The following STK3 variants were observed in gnomAD, a reference collection of about 807,000 sequenced individuals.
STK3 encodes serine/threonine-protein kinase 3.
STK3 carries 41 observed loss-of-function variants against 58.0 expected under a neutral mutation model. The ratio of observed to expected loss-of-function variants is 0.71; its 90% confidence interval spans 0.55 to 0.92. The LOEUF is 0.92. STK3 is among the 40% of genes least tolerant of loss of function. STK3 has a pLI of 0.00. For synonymous variants in STK3, 170 were observed against 191.0 expected (o/e 0.89, Z 0.91); for missense variants, 479 against 602.7 (o/e 0.79, Z 2.15).
intron 3 of STK3, among the ~76,000 whole-genome samples, chr8:98,759,958 AT>A (rs1830517323): frequency 6.6e-6 from 1 of 152,108 alleles, no homozygotes; most frequent in African/African-American, 2.4e-5. Context: ...TCATGTCTAG[AT>A]TACTTATTAC....
intron 8 of STK3, among the ~76,000 whole-genome samples, chr8:98,578,681 G>C (rs1483925046): frequency 2.0e-5 from 3 of 152,118 alleles, no homozygotes; most frequent in African/African-American, 7.2e-5. Context: ...ACTTTTATGG[G>C]AGAACATACT....
At chr8:98,668,469 T>C (rs541579633) in intron 6 of STK3, among the ~76,000 whole-genome samples, 39 of 152,212 alleles carry the variant, frequency 2.6e-4, no homozygotes, top group Admixed American at 1.8e-3. Flanking sequence ...ACCAGTTGGA[T>C]TATTTCCAAT....
chr8:98,360,086 T>C, the STK3 span, among the ~76,000 whole-genome samples: 1 of 152,260 alleles, frequency 6.6e-6, no homozygotes, highest in African/African-American at 2.4e-5. Flanking sequence ...TGGTCTCTTC[T>C]GTCCCCTCTT....
chr8:98,707,392 G>A (rs1826039369), intron 4 of STK3, 81 bp from the exon 5 acceptor site: 1 of 1,062,598 alleles, frequency 9.4e-7, no homozygotes. Flanking sequence ...TAACAAGTAT[G>A]TCTTTCCGTG....
At chr8:98,806,343 G>A (rs988034981) in intron 1 of STK3, among the ~76,000 whole-genome samples, 2 of 152,082 alleles carry the variant, frequency 1.3e-5, no homozygotes, top group African/African-American at 2.4e-5. Context: ...GGCTAACCAT[G>A]ACCTGCTTCA....
chr8:98,736,273 T>G (rs1440007093), intron 4 of STK3, among the ~76,000 whole-genome samples: 1 of 152,136 alleles, frequency 6.6e-6, no homozygotes, highest in Non-Finnish European at 1.5e-5. Flanking sequence ...AGCTGGGCCT[T>G]CATGGATGCA....
intron 1 of STK3, among the ~76,000 whole-genome samples, chr8:98,902,978 T>C (rs921671021): frequency 6.6e-6 from 1 of 152,202 alleles, no homozygotes; most frequent in African/African-American, 2.4e-5. Flanking sequence ...CAATCACCAC[T>C]GTCCTGCCTT....
chr8:98,500,513 G>T (rs936823534), intron 10 of STK3, among the ~76,000 whole-genome samples: 6 of 151,640 alleles, frequency 4.0e-5, no homozygotes, highest in Non-Finnish European at 8.8e-5. Context: ...CTCTACCCCT[G>T]CCCCCTACCC....
At chr8:98,627,331 T>C (rs1818795628) in intron 6 of STK3, among the ~76,000 whole-genome samples, 1 of 151,912 alleles carries the variant, frequency 6.6e-6, no homozygotes, top group Non-Finnish European at 1.5e-5. Flanking sequence ...CTGGCCAACA[T>C]GGTGAAACCC....
chr8:98,548,176 C>T lies in STK3; in HGVS notation c.949-15G>A. The T allele has an allele frequency of 6.7e-7, 1 of 1,494,546 alleles. No homozygotes were observed. The allele number at this position is 1,494,546 out of a possible 1,614,324, so 92.6% of individuals were successfully genotyped here. On this transcript the variant is annotated splice_polypyrimidine_tract_variant and intron_variant, in intron 8 of 10. Transcript: ENST00000419617. The stretch of plus-strand genomic sequence containing the variant: ...TCATCTTCATCCTGCAAGCAAAATA[C>T]TGCAATGAGGGAAGACTTTTCTATG...
intron 3 of STK3, among the ~76,000 whole-genome samples, chr8:98,420,238 C>T (rs1818156546): frequency 6.6e-6 from 1 of 152,158 alleles, no homozygotes; most frequent in South Asian, 2.1e-4. Flanking sequence ...CTGGCGAATC[C>T]ATGCTACAGG....
upstream of STK3, among the ~76,000 whole-genome samples, chr8:98,392,969 T>C (rs1362851042): frequency 6.6e-6 from 1 of 152,202 alleles, no homozygotes; most frequent in African/African-American, 2.4e-5. Flanking sequence ...TGGGCCTCTC[T>C]TCTTCCCTCC....
chr8:98,468,005 A>G (rs1030231111), intron 10 of STK3, among the ~76,000 whole-genome samples: 13 of 152,226 alleles, frequency 8.5e-5, no homozygotes, highest in African/African-American at 3.1e-4. Flanking sequence ...GAGGTTAGCT[A>G]AAACCCACAA....
intron 4 of STK3, among the ~76,000 whole-genome samples, chr8:98,748,465 C>T (rs1829775811): frequency 1.3e-5 from 2 of 151,972 alleles, no homozygotes; most frequent in Non-Finnish European, 2.9e-5. Flanking sequence ...AGTGTACTTC[C>T]CAAATCAAAC....
At chr8:98,358,979 A>G in the STK3 span, among the ~76,000 whole-genome samples, 1 of 152,140 alleles carries the variant, frequency 6.6e-6, no homozygotes, top group Non-Finnish European at 1.5e-5. Flanking sequence ...GTCCAGAGAC[A>G]AACATCTCCC....
At chr8:98,776,285 G>A (rs1235280312) in intron 1 of STK3, among the ~76,000 whole-genome samples, 6 of 152,028 alleles carry the variant, frequency 3.9e-5, no homozygotes, top group African/African-American at 7.3e-5. Context: ...TGGGTCACTA[G>A]GGACATCTTT....
At chr8:98,699,812 G>C (rs1027321760) in intron 6 of STK3, among the ~76,000 whole-genome samples, 1 of 152,240 alleles carries the variant, frequency 6.6e-6, no homozygotes, top group Non-Finnish European at 1.5e-5. Flanking sequence ...CGGGGTCAGG[G>C]GTCAGGGACC....
intron 3 of STK3, among the ~76,000 whole-genome samples, chr8:98,433,398 G>C (rs1818372969): frequency 1.3e-5 from 2 of 152,046 alleles, no homozygotes; most frequent in South Asian, 2.1e-4. Flanking sequence ...TACTGCTGGG[G>C]GATACATAGA....
chr8:98,550,120 G>T (rs1038922791), intron 8 of STK3, among the ~76,000 whole-genome samples: 1 of 151,032 alleles, frequency 6.6e-6, no homozygotes, highest in Non-Finnish European at 1.5e-5. Flanking sequence ...ATCTAGTTCT[G>T]GCAGAGGTCA....
Sources: gnomAD v4.1 joint callset for allele counts (sites outside exome capture counted in the v4.1 genomes callset) on GRCh38, gnomAD v4.1.1 for gene constraint, MANE v1.5 for transcripts, NCBI Gene and HGNC (gene_info 2026-07-23, HGNC 2026-07-21) for gene names.